TRPM3: variants seen among roughly 807,000 people sequenced by gnomAD.
TRPM3 encodes the protein long transient receptor potential channel 3.
TRPM3 carries 77 observed loss-of-function variants against 181.2 expected under a neutral mutation model. That is an observed-to-expected ratio of 0.42 (90% confidence interval 0.35 to 0.51). The LOEUF (loss-of-function observed/expected upper bound fraction) is 0.51, where lower values mean the gene tolerates loss of function less well. TRPM3 is among the 20% of genes least tolerant of loss of function. The pLI, the probability that TRPM3 is intolerant of heterozygous loss-of-function variation, is 0.01. For missense variants in TRPM3, 1,759 were observed against 2,196.7 expected, an observed-to-expected ratio of 0.80 and a Z score of 3.98; for synonymous variants, 745 against 796.4, an observed-to-expected ratio of 0.94 and a Z score of 1.09.
Position 70,863,020 on chromosome 9 carries a change from C to A in TRPM3, c.350G>T (p.Arg117Leu). 1 of 1,613,648 alleles carries A rather than the reference C, an allele frequency of 6.2e-7. No individual in the cohort carries two copies. Reference protein sequence around the residue: ...QNEKNESRLSRNDIQSEKWSI... With the variant: ...QNEKNESRLSLNDIQSEKWSI... ...CCACTTTTCAGACTGGATGTCATTT[C>A]GGGAGAGGCGACTTTCATTTTTCTC... Residue 117 changes from arginine (R) to leucine (L), a missense_variant, in exon 3 of 26, where the codon CGA becomes CTA. Around this residue, in one of 8 missense-constraint regions of TRPM3, gnomAD observed 737 missense variants for 957.4 expected, o/e 0.77. Coordinates refer to ENST00000677713, the MANE Select transcript of TRPM3 (RefSeq NM_001366145.2).
At chr9:70,829,904 A>C (rs928296843) in intron 5 of TRPM3, among the ~76,000 whole-genome samples, 3 of 152,180 alleles carry the variant, frequency 2.0e-5, no homozygotes, top group Non-Finnish European at 4.4e-5. Context: ...CATTCATTCT[A>C]CAGCAGAGTG....
chr9:71,274,826 T>C (rs1456748809), intron 1 of TRPM3, among the ~76,000 whole-genome samples: 3 of 152,222 alleles, frequency 2.0e-5, no homozygotes, highest in Admixed American at 1.3e-4. Flanking sequence ...AATATAACCT[T>C]TTAGATTAGT....
chr9:71,151,396 A>G (rs2075728641), intron 1 of TRPM3, among the ~76,000 whole-genome samples: 1 of 152,122 alleles, frequency 6.6e-6, no homozygotes, highest in Non-Finnish European at 1.5e-5. Context: ...TATTTGTTAC[A>G]AGAGCTTTAT....
intron 1 of TRPM3, among the ~76,000 whole-genome samples, chr9:70,946,937 T>A (rs1193813817): frequency 6.6e-6 from 1 of 152,212 alleles, no homozygotes. Flanking sequence ...CACCTGTAAA[T>A]TGACCACAAT....
At chr9:70,612,070 G>A (rs1327753820) in intron 18 of TRPM3, among the ~76,000 whole-genome samples, 2 of 152,196 alleles carry the variant, frequency 1.3e-5, no homozygotes, top group African/African-American at 4.8e-5. Context: ...TGGCCTACAA[G>A]TCAGGTAGCA....
At chr9:70,866,382 T>C (rs927703397) in intron 1 of TRPM3, among the ~76,000 whole-genome samples, 2 of 152,004 alleles carry the variant, frequency 1.3e-5, no homozygotes, top group Non-Finnish European at 2.9e-5. Flanking sequence ...ACCTTGACCA[T>C]GGGTAGAGCA....
In TRPM3 at chr9:70,581,662, T is replaced by G. The variant is rs79539745; in HGVS notation, c.3223+9369A>C. 2.1e-3 allele frequency among the ~76,000 whole-genome samples: 315 copies of G among 152,278 alleles called. 6 individuals are homozygous for G. The East Asian group carries it at 0.049, about 24-fold the overall frequency. On this transcript the variant is annotated intron_variant, in intron 22 of 25. Coordinates refer to ENST00000677713, the MANE Select transcript of TRPM3 (RefSeq NM_001366145.2). Reference sequence around the variant, plus strand: ...GGGGTGTACTCTGCTCTGCTTTGAGTGGAAATCAACCATCTGCCTTGCTGT... The same window carrying G: ...GGGGTGTACTCTGCTCTGCTTTGAGGGGAAATCAACCATCTGCCTTGCTGT...
chr9:70,669,273 C>A (rs1163027543), intron 9 of TRPM3, among the ~76,000 whole-genome samples: 6 of 152,226 alleles, frequency 3.9e-5, no homozygotes, highest in African/African-American at 7.2e-5. Flanking sequence ...ATTCAGCTTT[C>A]AGATTTCACA....
intron 3 of TRPM3, among the ~76,000 whole-genome samples, chr9:70,855,695 C>T (rs11142623): frequency 0.076 from 11,616 of 152,158 alleles, 695 homozygotes; most frequent in East Asian, 0.27. Context: ...TAACAAGCAC[C>T]ATTTCATTTC....
At chr9:71,430,806 A>C (rs1449330349) in intron 1 of TRPM3, among the ~76,000 whole-genome samples, 4 of 151,912 alleles carry the variant, frequency 2.6e-5, no homozygotes, top group Admixed American at 6.6e-5. Flanking sequence ...GCGAGACTCC[A>C]TTTTAAAAAA....
At chr9:71,163,346 GTAGGTAGGTAGA>G (rs2076371101) in intron 1 of TRPM3, among the ~76,000 whole-genome samples, 2 of 119,896 alleles carry the variant, frequency 1.7e-5, no homozygotes, top group African/African-American at 5.9e-5. Flanking sequence ...AGGTAGGTAG[GTAGGTAGGTAGA>G]TTGATGAGAC....
chr9:70,958,265 A>G (rs1005667430), intron 1 of TRPM3, among the ~76,000 whole-genome samples: 3 of 152,184 alleles, frequency 2.0e-5, no homozygotes, highest in Non-Finnish European at 2.9e-5. Flanking sequence ...ACATGGGCAT[A>G]TCAACATAAA....
intron 1 of TRPM3, among the ~76,000 whole-genome samples, chr9:71,302,048 A>G (rs962263091): frequency 3.9e-5 from 6 of 152,128 alleles, no homozygotes; most frequent in African/African-American, 1.2e-4. Flanking sequence ...AGCTTTGGGA[A>G]TAATATAGCA....
intron 1 of TRPM3, among the ~76,000 whole-genome samples, chr9:71,110,764 C>T (rs939632714): frequency 7.9e-5 from 12 of 152,138 alleles, no homozygotes; most frequent in East Asian, 7.7e-4. Context: ...ATTTTTTGTC[C>T]GTTTGATCAT....
chr9:71,048,519 A>G (rs1388644815), intron 1 of TRPM3, among the ~76,000 whole-genome samples: 10 of 152,192 alleles, frequency 6.6e-5, no homozygotes, highest in Admixed American at 6.5e-4. Context: ...ATGCGCTTTC[A>G]GCAACAATAC....
chr9:70,890,570 C>T (rs1376721572), intron 1 of TRPM3, among the ~76,000 whole-genome samples: 1 of 151,812 alleles, frequency 6.6e-6, no homozygotes, highest in East Asian at 1.9e-4. Flanking sequence ...ATTCTACAGG[C>T]TTCCAGACAG....
chr9:71,288,183 A>G (rs2085461830), intron 1 of TRPM3, among the ~76,000 whole-genome samples: 1 of 151,216 alleles, frequency 6.6e-6, no homozygotes, highest in Admixed American at 6.6e-5. Context: ...TATTAAATAT[A>G]TTTTTAACTT....
chr9:71,362,301 C>T (rs1246147619), intron 1 of TRPM3, among the ~76,000 whole-genome samples: 3 of 152,126 alleles, frequency 2.0e-5, no homozygotes, highest in East Asian at 1.9e-4. Flanking sequence ...CACCTATAGC[C>T]GTTAACTGTC....
At chr9:71,194,964 T>G (rs1293701599) in intron 1 of TRPM3, among the ~76,000 whole-genome samples, 1 of 151,914 alleles carries the variant, frequency 6.6e-6, no homozygotes, top group Non-Finnish European at 1.5e-5. Flanking sequence ...GACATATACA[T>G]CACAGATAGA....
Sources: gnomAD v4.1 joint callset for allele counts (sites outside exome capture counted in the v4.1 genomes callset) on GRCh38, gnomAD v4.1.1 for gene constraint, gnomAD v4.1.1 regional missense constraint, MANE v1.5 for transcripts, NCBI Gene and HGNC (gene_info 2026-07-23, HGNC 2026-07-21) for gene names.